Variants in B3GALT1 observed in about 807,000 individuals in gnomAD.
B3GALT1 encodes the protein beta-1,3-galactosyltransferase 1.
In B3GALT1, 10 loss-of-function variants were observed where a neutral mutation model predicts 23.2. That is an observed-to-expected ratio of 0.43 (90% confidence interval 0.27 to 0.73). The LOEUF (loss-of-function observed/expected upper bound fraction) is 0.73. B3GALT1 is among the 30% of genes least tolerant of loss of function. The pLI, the probability that B3GALT1 is intolerant of heterozygous loss-of-function variation, is 0.21. For missense variants in B3GALT1, 299 were observed against 405.4 expected (o/e 0.74, Z 2.25); for synonymous variants, 156 against 141.5 (o/e 1.10, Z -0.73).
At chr2:167,657,165 A>G (rs575112035) in intron 3 of B3GALT1, among the ~76,000 whole-genome samples, 5 of 152,272 alleles carry the variant, frequency 3.3e-5, no homozygotes, top group East Asian at 3.9e-4. Context: ...GGTTCCTTCA[A>G]GATACCCAGG....
At chr2:167,318,520 T>C (rs1696752836) in intron 1 of B3GALT1, among the ~76,000 whole-genome samples, 1 of 151,618 alleles carries the variant, frequency 6.6e-6, no homozygotes, top group African/African-American at 2.4e-5. Flanking sequence ...AAATTTGTTT[T>C]TTAGGAGGGA....
rs150209132 is a variant in B3GALT1 at position 167,395,664 on chromosome 2, C to T, written c.-510-94513C>T. Among the ~76,000 whole-genome samples the T allele has an allele frequency of 1.4e-3, 213 of 151,966 alleles. 6 individuals are homozygous for T. The highest frequency in any genetic ancestry group is 0.013 in the East Asian group (66 of 5,170). On this transcript the variant is annotated intron_variant, in intron 1 of 4. Coordinates refer to ENST00000392690, the MANE Select transcript of B3GALT1 (RefSeq NM_020981.4). ...ATTTCAAGCTGCTAAGTGTGGGTAA[C>T]GTTTTACAGCAGCAATGAGAAATTA...
At chr2:167,311,429 A>G (rs1304164972) in intron 1 of B3GALT1, among the ~76,000 whole-genome samples, 1 of 152,068 alleles carries the variant, frequency 6.6e-6, no homozygotes, top group Non-Finnish European at 1.5e-5. Flanking sequence ...TGAATCAAGG[A>G]AAGATTATAT....
intron 3 of B3GALT1, among the ~76,000 whole-genome samples, chr2:167,797,636 A>G (rs7565118): frequency 0.19 from 28,462 of 151,888 alleles, 5,311 homozygotes; most frequent in African/African-American, 0.47. Flanking sequence ...CCTCACCAAC[A>G]TCTGTTGTTT....
At chr2:167,713,707 G>A (rs1441680502) in intron 3 of B3GALT1, 1 of 1,509,486 alleles carries the variant, frequency 6.6e-7, no homozygotes, top group Non-Finnish European at 9.2e-7. Context: ...CTTTGAAGGT[G>A]GAATCAACCC....
chr2:167,787,270 C>G (rs1688356813), intron 3 of B3GALT1, among the ~76,000 whole-genome samples: 1 of 152,122 alleles, frequency 6.6e-6, no homozygotes, highest in African/African-American at 2.4e-5. Context: ...ATAAGAGCAC[C>G]TATCTTGTAG....
At chr2:167,376,834 A>G (rs1234774462) in intron 1 of B3GALT1, among the ~76,000 whole-genome samples, 1 of 151,972 alleles carries the variant, frequency 6.6e-6, no homozygotes, top group Non-Finnish European at 1.5e-5. Context: ...GGAGGTTTCA[A>G]TTTCATTTAG....
At chr2:167,840,095 T>A (rs1484503874) in intron 4 of B3GALT1, among the ~76,000 whole-genome samples, 7 of 152,224 alleles carry the variant, frequency 4.6e-5, no homozygotes, top group South Asian at 4.2e-4. Context: ...AACCTAGGCA[T>A]TACCATTCAG....
intron 3 of B3GALT1, among the ~76,000 whole-genome samples, chr2:167,779,564 T>C (rs1156895438): frequency 1.3e-5 from 2 of 152,238 alleles, no homozygotes; most frequent in Non-Finnish European, 2.9e-5. Context: ...TGTTTAGTAT[T>C]TATTGATCAT....
At chr2:167,414,935 A>G (rs1030511366) in intron 1 of B3GALT1, among the ~76,000 whole-genome samples, 1 of 152,188 alleles carries the variant, frequency 6.6e-6, no homozygotes, top group Non-Finnish European at 1.5e-5. Context: ...TTCAAACTTA[A>G]TGTACGTTAA....
rs537133970 is a variant in B3GALT1, at chr2:167,770,390, G to T, written c.-351-48282G>T. ...TGGGCTTAAAGACTAATGAAATTGG[G>T]CAGTCTTCCATATATTTTCCATTTG... On this transcript the variant is annotated intron_variant, in intron 3 of 4. Transcript: ENST00000392690. Among the ~76,000 whole-genome samples the T allele has an allele frequency of 3.9e-5, 6 of 152,308 alleles. No individual in the cohort carries two copies. In the East Asian group the frequency reaches 7.7e-4, roughly 20 times the overall value.
At chr2:167,821,571 A>G (rs1006136577) in intron 4 of B3GALT1, among the ~76,000 whole-genome samples, 1 of 151,920 alleles carries the variant, frequency 6.6e-6, no homozygotes, top group East Asian at 1.9e-4. Context: ...AGTAGCTGGA[A>G]TTACAGGCAT....
chr2:167,561,925 A>G (rs971505541), intron 2 of B3GALT1, among the ~76,000 whole-genome samples: 1 of 152,228 alleles, frequency 6.6e-6, no homozygotes, highest in African/African-American at 2.4e-5. Flanking sequence ...CAGTCAGTAG[A>G]AAAAGAGGGA....
intron 2 of B3GALT1, among the ~76,000 whole-genome samples, chr2:167,620,958 C>T (rs767456638): frequency 3.9e-5 from 6 of 151,904 alleles, no homozygotes; most frequent in Non-Finnish European, 7.4e-5. Context: ...AAAGATATTC[C>T]CCTCCCACCA....
intron 1 of B3GALT1, among the ~76,000 whole-genome samples, chr2:167,366,915 A>T (rs1174099574): frequency 6.6e-6 from 1 of 152,238 alleles, no homozygotes; most frequent in African/African-American, 2.4e-5. Context: ...CTAGAGCACA[A>T]AGGCAGAAGG....
At chr2:167,843,348 G>A (rs1209650601) in intron 4 of B3GALT1, among the ~76,000 whole-genome samples, 1 of 152,042 alleles carries the variant, frequency 6.6e-6, no homozygotes, top group Non-Finnish European at 1.5e-5. Context: ...TTTAGACCAG[G>A]GCAATCCAGC....
chr2:167,668,541 C>T lies in B3GALT1; in HGVS notation c.-352+21575C>T, dbSNP rs543817335. Reference sequence around the variant, plus strand: ...AGCCTGGGCAATGGCGGGCACCCCTCCCCCAGCCTCGCTGCCGCCTTGCAG... The same window carrying T: ...AGCCTGGGCAATGGCGGGCACCCCTTCCCCAGCCTCGCTGCCGCCTTGCAG... On this transcript the variant is annotated intron_variant, in intron 3 of 4. Transcript: ENST00000392690. 2.6e-5 allele frequency among the ~76,000 whole-genome samples: 4 copies of T among 152,250 alleles called. No individual in the cohort carries two copies. The South Asian group carries it at 6.2e-4, about 24-fold the overall frequency.
At chr2:167,655,322 A>C (rs2105467653) in intron 3 of B3GALT1, among the ~76,000 whole-genome samples, 1 of 152,308 alleles carries the variant, frequency 6.6e-6, no homozygotes, top group East Asian at 1.9e-4. Flanking sequence ...ATCAGAGCAG[A>C]AATTAACTCA....
At chr2:167,795,635 T>A (rs1182165105) in intron 3 of B3GALT1, among the ~76,000 whole-genome samples, 1 of 152,226 alleles carries the variant, frequency 6.6e-6, no homozygotes, top group East Asian at 1.9e-4. Context: ...CACTCATTTC[T>A]GTGCTAAGAT....
Sources: allele counts gnomAD v4.1 joint callset (sites outside exome capture counted in the v4.1 genomes callset), GRCh38; gene constraint gnomAD v4.1.1; transcripts MANE v1.5; gene names NCBI Gene and HGNC (gene_info 2026-07-23, HGNC 2026-07-21).